The following MYOM2 variants were observed in gnomAD, a reference collection of about 807,000 sequenced individuals.
MYOM2 encodes myomesin-2.
A neutral mutation model predicts 187.6 loss-of-function variants in MYOM2; 254 were observed. That is an observed-to-expected ratio of 1.35 (90% CI 1.22 to 1.50). The LOEUF (loss-of-function observed/expected upper bound fraction) is 1.50, where lower values mean the gene tolerates loss of function less well. MYOM2 is among the 40% of genes most tolerant of loss of function. The pLI is 0.00. For missense variants in MYOM2, 2,796 were observed against 1,924.0 expected, an observed-to-expected ratio of 1.45 and a Z score of -8.48; for synonymous variants, 981 against 753.8, an observed-to-expected ratio of 1.30 and a Z score of -4.94.
rs376971771 is a variant in MYOM2 at position 2,092,398 on chromosome 8, G to T, written c.1881G>T (p.Ser627=). The change falls in exon 16 of 37, where the codon TCG becomes TCT. Residue 627 remains serine, a synonymous_variant. Transcript: ENST00000262113. ...TTGCTTCCCGAAACACCAAGACGTC[G>T]GTGGTGGTGCAGTGGGACCGACCTA... The part of the protein sequence containing the change: ...RVLASRNTKT[S]VVVQWDRPKH... The T allele has an allele frequency of 6.2e-7, 1 of 1,614,158 alleles. No individual in the cohort carries two copies. Among genetic ancestry groups the T allele is most frequent in the African/African-American group, 1.3e-5 (1 of 75,044 alleles).
chr8:2,118,438 G>A (rs1797318566), intron 28 of MYOM2, among the ~76,000 whole-genome samples: 1 of 152,150 alleles, frequency 6.6e-6, no homozygotes, highest in African/African-American at 2.4e-5. Context: ...CTATTTGACT[G>A]TCTCAGGATG....
chr8:2,059,303 C>A, intron 6 of MYOM2, 58 bp downstream of exon 6: 1 of 1,512,598 alleles, frequency 6.6e-7, no homozygotes, highest in Non-Finnish European at 9.1e-7. Flanking sequence ...TTGCAGACCC[C>A]AAAGAAGAAG....
rs774650952 is a variant in MYOM2 at position 2,085,323 on chromosome 8, A to G, written c.1577A>G (p.Tyr526Cys). 78 of 1,613,966 alleles carry G rather than the reference A, an allele frequency of 4.8e-5. No homozygotes were observed. In the East Asian group the frequency reaches 1.6e-3, roughly 33 times the overall value. ...CACGCTTCCGAGATCAGCAGAAACT[A>G]TGTCGTCCTCAGCTGGGAGCCACCC... ...GVHASEISRN[Y>C]VVLSWEPPTP... The change falls in exon 14 of 37, where the codon TAT (tyrosine) becomes TGT (cysteine). Residue 526 changes from tyrosine (Y) to cysteine (C), a missense_variant. Physicochemically the swap from Tyr to Cys is radical, Grantham distance 194. Coordinates refer to ENST00000262113, the MANE Select transcript of MYOM2 (RefSeq NM_003970.4).
intron 13 of MYOM2, among the ~76,000 whole-genome samples, chr8:2,080,571 G>C (rs755920441): frequency 3.3e-5 from 5 of 152,226 alleles, no homozygotes; most frequent in Non-Finnish European, 5.9e-5. Flanking sequence ...CTAGAACTCA[G>C]GAAGGACACT....
intron 14 of MYOM2, 76 bp downstream of exon 14, chr8:2,085,466 C>CTGTTGTGATCTCTG (rs1563444171): frequency 2.7e-6 from 4 of 1,507,886 alleles, no homozygotes; most frequent in South Asian, 1.2e-5. Context: ...GCGTGGCCCA[C>CTGTTGTGATCTCTG]CGCTGTCGTG....
At position 2,072,358 on chromosome 8, in the gene MYOM2, G is replaced by A. The variant is rs376026911; in HGVS notation, c.807G>A (p.Ser269=). Residue 269 remains serine, a synonymous_variant, in exon 9 of 37, where the codon TCG becomes TCA. Coordinates refer to ENST00000262113, the MANE Select transcript of MYOM2 (RefSeq NM_003970.4). The part of the protein sequence containing the change: ...VGLPIGLPLS[S]MIPYTHFDVQ... ...GTTTCTGTGCAGTGCCCCTGTCATCGATGATTCCGTACACGCACTTCGACG... is the reference window on the plus strand; with the variant it reads ...GTTTCTGTGCAGTGCCCCTGTCATCAATGATTCCGTACACGCACTTCGACG... 6 of 1,613,326 alleles carry A rather than the reference G, an allele frequency of 3.7e-6. No homozygotes were observed. The highest frequency in any genetic ancestry group is 2.7e-5 in the African/African-American group (2 of 74,822).
chr8:2,057,449 C>T lies in MYOM2; in HGVS notation c.365C>T (p.Ala122Val). ...EEDVHLARSQARDKLDKYAIQ... is the reference protein window; with the variant it reads ...EEDVHLARSQVRDKLDKYAIQ... ...GATGTCCACCTGGCACGCTCCCAGG[C>T]CCGCGACAAGCTGGACAAATACGCC... The change falls in exon 4 of 37, where the codon GCC (alanine) becomes GTC (valine). Residue 122 changes from alanine (A) to valine (V), a missense_variant. Coordinates refer to ENST00000262113, the MANE Select transcript of MYOM2 (RefSeq NM_003970.4). 6.2e-7 allele frequency: 1 copy of T among 1,614,034 alleles called. No homozygotes were observed. Among genetic ancestry groups the T allele is most frequent in the Non-Finnish European group, 8.5e-7 (1 of 1,179,984 alleles).
chr8:2,106,461 C>T (rs373381083), intron 22 of MYOM2, 30 bp from the exon 23 acceptor site: 38 of 1,609,100 alleles, frequency 2.4e-5, no homozygotes, highest in Middle Eastern at 3.3e-4. Context: ...CAGAAATGAT[C>T]GACATTCACC....
chr8:2,052,350 G>A (rs749813032), intron 3 of MYOM2, 37 bp downstream of exon 3: 5 of 1,563,264 alleles, frequency 3.2e-6, no homozygotes, highest in Admixed American at 1.9e-5. Flanking sequence ...CTTGTGCCCT[G>A]CGTGGGGTCA....
intron 18 of MYOM2, 65 bp from the exon 19 acceptor site, chr8:2,098,792 C>T: frequency 7.4e-6 from 11 of 1,493,414 alleles, no homozygotes; most frequent in Non-Finnish European, 9.1e-6. Flanking sequence ...ATAACAACTC[C>T]TCCCCCTCAG....
At chr8:2,121,918 G>T (rs1287300814) in intron 28 of MYOM2, among the ~76,000 whole-genome samples, 1 of 152,202 alleles carries the variant, frequency 6.6e-6, no homozygotes, top group Non-Finnish European at 1.5e-5. Flanking sequence ...AGAGTTTATG[G>T]TAGAGAGAAT....
At chr8:2,134,716 A>G (rs909283030) in intron 32 of MYOM2, among the ~76,000 whole-genome samples, 1 of 152,086 alleles carries the variant, frequency 6.6e-6, no homozygotes, top group Non-Finnish European at 1.5e-5. Flanking sequence ...ACTTTGCTCA[A>G]ATTGTTCCAG....
chr8:2,055,252 C>T (rs935286297), intron 3 of MYOM2, among the ~76,000 whole-genome samples: 18 of 152,176 alleles, frequency 1.2e-4, no homozygotes, highest in Non-Finnish European at 2.5e-4. Flanking sequence ...TCAACATGCA[C>T]ATGCATGTGC....
In MYOM2 at chr8:2,141,161, G is replaced by A. The variant is rs1349794234; in HGVS notation, c.3985G>A (p.Glu1329Lys). The A allele has an allele frequency of 1.2e-6, 2 of 1,612,090 alleles. No homozygotes were observed. Among genetic ancestry groups the A allele is most frequent in the Admixed American group, 3.3e-5 (2 of 59,958 alleles). The change falls in exon 34 of 37, where the codon GAA becomes AAA. Residue 1329 changes from glutamate (E) to lysine (K), a missense_variant. Transcript: ENST00000262113. Reference sequence around the variant, plus strand: ...CACAGCTTTTGATGAAGCATTTGCAGAATTCCAGCAATTCAAGTAAGATTT... The same window carrying A: ...CACAGCTTTTGATGAAGCATTTGCAAAATTCCAGCAATTCAAGTAAGATTT... ...SGQAFDEAFA[E>K]FQQFKAAAFA...
At chr8:2,102,235 C>T (rs1398811880) in intron 20 of MYOM2, 1 of 155,352 alleles carries the variant, frequency 6.4e-6, no homozygotes, top group Non-Finnish European at 1.4e-5. Context: ...GATGTTTATC[C>T]AAGCAGGTTT....
rs1798261486 is a variant in MYOM2 at position 2,141,168 on chromosome 8, A to G, written c.3992A>G (p.Gln1331Arg). Residue 1331 changes from glutamine to arginine, a missense_variant, in exon 34 of 37, where the codon CAG becomes CGG. Transcript: ENST00000262113. The stretch of plus-strand genomic sequence containing the variant: ...TTTGATGAAGCATTTGCAGAATTCC[A>G]GCAATTCAAGTAAGATTTGTGTATT... ...QAFDEAFAEF[Q>R]QFKAAAFAEK... 2 of 1,612,274 alleles carry G rather than the reference A, an allele frequency of 1.2e-6. No homozygotes were observed. Among genetic ancestry groups the G allele is most frequent in the Non-Finnish European group, 1.7e-6 (2 of 1,178,666 alleles).
chr8:2,103,682 T>C (rs765369571), intron 21 of MYOM2, among the ~76,000 whole-genome samples: 1 of 149,896 alleles, frequency 6.7e-6, no homozygotes, highest in Non-Finnish European at 1.5e-5. Context: ...TAGAGGTATA[T>C]GGATAAATGA....
intron 1 of MYOM2, among the ~76,000 whole-genome samples, chr8:2,046,754 T>TC (rs1414479005): frequency 8.6e-4 from 125 of 144,632 alleles, no homozygotes; most frequent in Non-Finnish European, 1.6e-3. Context: ...CTTTTTTCTT[T>TC]TTTTTTTTTT....
intron 13 of MYOM2, among the ~76,000 whole-genome samples, chr8:2,082,518 T>C (rs1334032249): frequency 6.6e-6 from 1 of 152,226 alleles, no homozygotes; most frequent in Non-Finnish European, 1.5e-5. Flanking sequence ...TTTGACTTTT[T>C]GCCGAGTTTT....
Sources: allele counts gnomAD v4.1 joint callset (sites outside exome capture counted in the v4.1 genomes callset), GRCh38; gene constraint gnomAD v4.1.1; transcripts MANE v1.5; gene names NCBI Gene and HGNC (gene_info 2026-07-23, HGNC 2026-07-21).